The following ZNF680 variants were observed in gnomAD, a reference collection of about 807,000 sequenced individuals.
The protein encoded by ZNF680 is zinc finger protein 680, also known as hypothetical protein FLJ90430.
Under a neutral mutation model 12.1 loss-of-function variants are expected in ZNF680, and 6 were observed. The observed-to-expected ratio is 0.49, with a 90% confidence interval of 0.27 to 0.98. The LOEUF is 0.98. Among genes scored for constraint, ZNF680 ranks in the 50% least tolerant of loss-of-function variants. The pLI, the probability that ZNF680 is intolerant of heterozygous loss-of-function variation, is 0.12. For synonymous variants in ZNF680, 170 were observed against 199.3 expected (o/e 0.85, Z 1.24); for missense variants, 561 against 616.3 (o/e 0.91, Z 0.95).
chr7:64,513,857 G>C, the ZNF680 span, among the ~76,000 whole-genome samples: 1 of 151,898 alleles, frequency 6.6e-6, no homozygotes, highest in African/African-American at 2.4e-5. Context: ...TGTTGGCTAG[G>C]ATGGTCTTGA....
At chr7:64,503,378 C>CTTT in the ZNF680 span, among the ~76,000 whole-genome samples, 459 of 89,850 alleles carry the variant, frequency 5.1e-3, no homozygotes, top group Middle Eastern at 7.9e-3. Flanking sequence ...AACTGGAAGG[C>CTTT]TTTTTTTTTT....
At chr7:64,526,211 T>C (rs963688835) in intron 3 of ZNF680, 2 of 1,005,412 alleles carry the variant, frequency 2.0e-6, no homozygotes, top group African/African-American at 3.4e-5. Context: ...GAAAAAGTAA[T>C]GTAGAGGTTA....
At chr7:64,526,690 T>C (rs533691452) in intron 3 of ZNF680, among the ~76,000 whole-genome samples, 83 of 152,310 alleles carry the variant, frequency 5.4e-4, no homozygotes, top group African/African-American at 1.4e-3. Flanking sequence ...TTTAAAGTTA[T>C]TCTATATGAG....
intron 3 of ZNF680, among the ~76,000 whole-genome samples, chr7:64,541,888 C>T (rs1047151424): frequency 2.6e-5 from 4 of 152,174 alleles, no homozygotes; most frequent in African/African-American, 9.7e-5. Context: ...AGTTCCAGCT[C>T]CCTGAGCCAC....
Position 64,557,274 on chromosome 7 carries a change from A to C in ZNF680, c.30+5651T>G, listed in dbSNP as rs542781493. 4.7e-5 allele frequency among the ~76,000 whole-genome samples: 7 copies of C among 150,034 alleles called. No homozygotes were observed. In the East Asian group the frequency reaches 1.4e-3, roughly 30 times the overall value. ...TCAAAAAAAAAAAAAATTTACCATA[A>C]GGCCAGGCGCAGTGGTTCATACATG... On this transcript the variant is annotated intron_variant, in intron 1 of 3. Coordinates refer to ENST00000309683, the MANE Select transcript of ZNF680 (RefSeq NM_178558.5).
At chr7:64,503,414 C>T in the ZNF680 span, among the ~76,000 whole-genome samples, 1 of 130,162 alleles carries the variant, frequency 7.7e-6, no homozygotes, top group Non-Finnish European at 1.6e-5. Flanking sequence ...AGGAGTTTCA[C>T]CTGTCATCCA....
rs748529167 is a variant in ZNF680, at chr7:64,521,165, G to A, written c.1589C>T (p.Thr530Ile). The A allele has an allele frequency of 2.5e-6, 4 of 1,604,672 alleles. No individual in the cohort carries two copies. Among genetic ancestry groups the A allele is most frequent in the South Asian group, 1.1e-5 (1 of 89,148 alleles). The change falls in exon 4 of 4, where the codon ACC becomes ATC. Residue 530 changes from threonine to isoleucine, a missense_variant. Physicochemically the swap from Thr to Ile is moderately conservative, Grantham distance 89 (BLOSUM62 -1). Transcript: ENST00000309683. ...PEKCDNNFDN[T>I] ...TCTTTTATGTTTAGAAAAGTTTTAG[G>A]TGTTATCAAAATTATTGTCACATTT... is the stretch of plus-strand genomic sequence containing the variant.
chr7:64,559,698 T>C (rs1334384892), intron 1 of ZNF680, among the ~76,000 whole-genome samples: 1 of 152,062 alleles, frequency 6.6e-6, no homozygotes, highest in African/African-American at 2.4e-5. Flanking sequence ...TCCAGGCTGG[T>C]CTCAAACTCC....
the ZNF680 span, among the ~76,000 whole-genome samples, chr7:64,502,814 GT>G: frequency 2.6e-5 from 4 of 152,066 alleles, no homozygotes. Flanking sequence ...TAATATATCT[GT>G]TAAGGCAATG....
intron 3 of ZNF680, among the ~76,000 whole-genome samples, chr7:64,532,092 T>C (rs576589457): frequency 6.6e-6 from 1 of 152,172 alleles, no homozygotes; most frequent in African/African-American, 2.4e-5. Flanking sequence ...GATTACAAGG[T>C]CAGGCGACTG....
downstream of ZNF680, among the ~76,000 whole-genome samples, chr7:64,515,548 T>C (rs972125264): frequency 4.6e-5 from 7 of 151,846 alleles, no homozygotes; most frequent in African/African-American, 1.7e-4. Flanking sequence ...CTCCACCCCA[T>C]ATAATGTAAA....
Position 64,563,060 on chromosome 7 carries a change from G to A in ZNF680, c.-106C>T. ...AAAGACTAGACCTGGAGCTCCCGCA[G>A]CAGCTAGAGACAAAGGCCCCGCCAA... On this transcript the variant is annotated 5_prime_UTR_variant, in exon 1 of 4. Transcript: ENST00000309683. 7.4e-7 allele frequency: 1 copy of A among 1,349,060 alleles called. No individual in the cohort carries two copies. Among genetic ancestry groups the A allele is most frequent in the Non-Finnish European group, 1.0e-6 (1 of 954,888 alleles). 83.6% of individuals were successfully genotyped at this position (1,349,060 alleles called of 1,614,324 possible).
At chr7:64,508,600 C>T in the ZNF680 span, among the ~76,000 whole-genome samples, 1 of 152,150 alleles carries the variant, frequency 6.6e-6, no homozygotes, top group Middle Eastern at 3.2e-3. Flanking sequence ...CCTTTACTTT[C>T]ATTTTTAGGA....
chr7:64,521,927 C>T lies in ZNF680; in HGVS notation c.827G>A (p.Ser276Asn), dbSNP rs1357979045. The change falls in exon 4 of 4, where the codon AGT becomes AAT. Residue 276 changes from serine to asparagine, a missense_variant. By Grantham distance (46) the Ser-to-Asn change is conservative. Coordinates refer to ENST00000309683, the MANE Select transcript of ZNF680 (RefSeq NM_178558.5). ...FKCEECGKAF[S>N]LFSILSKHKI... ...ATGTTTACTAAGGATTGAGAATAAA[C>T]TAAAGGCTTTGCCACATTCTTCACA... The T allele has an allele frequency of 6.2e-7, 1 of 1,608,486 alleles. No homozygotes were observed. Among genetic ancestry groups the T allele is most frequent in the East Asian group, 2.2e-5 (1 of 44,458 alleles).
the ZNF680 span, among the ~76,000 whole-genome samples, chr7:64,507,869 ACACACACAC>A: frequency 1.0e-5 from 1 of 100,226 alleles, no homozygotes; most frequent in East Asian, 3.2e-4. Context: ...ACACACACAC[ACACACACAC>A]ATTTTTTTAT....
intron 3 of ZNF680, chr7:64,526,459 G>T: frequency 7.2e-7 from 1 of 1,395,108 alleles, no homozygotes; most frequent in Non-Finnish European, 9.7e-7. Flanking sequence ...GGGAGGCCAA[G>T]GCAGTAAGAT....
At chr7:64,514,834 G>T in the ZNF680 span, among the ~76,000 whole-genome samples, 130 of 152,188 alleles carry the variant, frequency 8.5e-4, 1 homozygote, top group Non-Finnish European at 1.6e-3. Flanking sequence ...ACCTGAGGTC[G>T]GGAATTCAAG....
At chr7:64,513,857 G>A in the ZNF680 span, among the ~76,000 whole-genome samples, 1 of 151,898 alleles carries the variant, frequency 6.6e-6, no homozygotes, top group African/African-American at 2.4e-5. Context: ...TGTTGGCTAG[G>A]ATGGTCTTGA....
At chr7:64,554,179 G>A (rs560140375) in intron 1 of ZNF680, among the ~76,000 whole-genome samples, 143 of 151,804 alleles carry the variant, frequency 9.4e-4, no homozygotes, top group African/African-American at 3.4e-3. Flanking sequence ...GGGATGTGGG[G>A]AGCGCCTCTG....
Sources: gnomAD v4.1 joint callset for allele counts (sites outside exome capture counted in the v4.1 genomes callset) on GRCh38, gnomAD v4.1.1 for gene constraint, MANE v1.5 for transcripts, NCBI Gene and HGNC (gene_info 2026-07-23, HGNC 2026-07-21) for gene names.